LRIG1: variants seen among roughly 807,000 people sequenced by gnomAD.
LRIG1 encodes the protein leucine rich repeats and immunoglobulin like domains 1, also known as leucine-rich repeats and immunoglobulin-like domains protein 1.
LRIG1 carries 48 observed loss-of-function variants against 99.2 expected under a neutral mutation model. That is an observed-to-expected ratio of 0.48 (90% CI 0.38 to 0.62). LRIG1 has a LOEUF of 0.62. LRIG1 is among the 20% of genes least tolerant of loss of function. The pLI is 0.00. For missense variants in LRIG1, 1,646 were observed against 1,434.4 expected, an observed-to-expected ratio of 1.15 and a Z score of -2.38; for synonymous variants, 772 against 596.1, an observed-to-expected ratio of 1.29 and a Z score of -4.30.
At chr3:66,430,939 C>T (rs1703150550) in intron 3 of LRIG1, among the ~76,000 whole-genome samples, 1 of 152,016 alleles carries the variant, frequency 6.6e-6, no homozygotes, top group Non-Finnish European at 1.5e-5. Context: ...CCTTTGTTTT[C>T]CTTTCCCTGG....
At chr3:66,391,364 C>T (rs1701610747) in intron 12 of LRIG1, among the ~76,000 whole-genome samples, 2 of 152,154 alleles carry the variant, frequency 1.3e-5, no homozygotes, top group Admixed American at 6.5e-5. Context: ...TTCACAGCAG[C>T]ATTATTCATA....
intron 14 of LRIG1, 54 bp downstream of exon 14, chr3:66,383,933 GTCTC>G (rs561796324): frequency 4.9e-6 from 7 of 1,425,516 alleles, no homozygotes; most frequent in African/African-American, 1.8e-5. Context: ...GCATTTGAGA[GTCTC>G]TCTCTCTCGC....
At chr3:66,469,047 T>C (rs1700539640) in intron 1 of LRIG1, 2 of 152,188 alleles carry the variant, frequency 1.3e-5, no homozygotes, top group African/African-American at 4.8e-5. Context: ...AAGCGGATAA[T>C]GCACATTAAA....
intron 3 of LRIG1, among the ~76,000 whole-genome samples, chr3:66,426,104 G>C (rs1260268128): frequency 6.6e-6 from 1 of 152,138 alleles, no homozygotes; most frequent in African/African-American, 2.4e-5. Flanking sequence ...AAGGCAGTTG[G>C]GACAAGGTGG....
intron 13 of LRIG1, among the ~76,000 whole-genome samples, chr3:66,384,909 G>A (rs1294947388): frequency 6.6e-6 from 1 of 152,174 alleles, no homozygotes; most frequent in Non-Finnish European, 1.5e-5. Context: ...TTTGGGGAGA[G>A]TCTAACAAAC....
At position 66,451,556 on chromosome 3, in the gene LRIG1, T is replaced by C. The variant is rs761203198; in HGVS notation, c.365+3A>G. 4.3e-6 allele frequency: 7 copies of C among 1,613,648 alleles called. No homozygotes were observed. The highest frequency in any genetic ancestry group is 5.1e-6 in the Non-Finnish European group (6 of 1,179,882). On this transcript the variant is annotated splice_donor_region_variant and intron_variant, in intron 3 of 18. Transcript: ENST00000273261. ...CCAGAGTCCCCCAAACGGCACCACT[T>C]ACAGAAAGAGAGAGACGACATGTGA...
Position 66,380,809 on chromosome 3 carries a change from G to C in LRIG1, c.2823C>G (p.Tyr941Ter), listed in dbSNP as rs1165873118. 2 of 1,614,112 alleles carry C rather than the reference G, an allele frequency of 1.2e-6. No homozygotes were observed. The highest frequency in any genetic ancestry group is 1.7e-6 in the Non-Finnish European group (2 of 1,180,060). The change falls in exon 18 of 19, where the codon TAC (tyrosine) becomes TAG (stop). Residue 941 changes from tyrosine (Y) to a stop codon, truncating the protein, a stop_gained. Transcript: ENST00000273261. LOFTEE classifies it high-confidence loss of function. Reference sequence around the variant, plus strand: ...GGGGGTGGAAGGCTTGTCCCCTGGAGTAACAGTCCACTTCGGTGTTGCAGT... The same window carrying C: ...GGGGGTGGAAGGCTTGTCCCCTGGACTAACAGTCCACTTCGGTGTTGCAGT... ...CSDCNTEVDC[Y>*]SRGQAFHPQP... is the part of the protein sequence containing the mutation.
At chr3:66,412,793 G>A in intron 6 of LRIG1, 78 bp downstream of exon 6, 1 of 1,532,582 alleles carries the variant, frequency 6.5e-7, no homozygotes, top group South Asian at 1.2e-5. Context: ...GCACATGCAT[G>A]CGCACACACA....
intron 2 of LRIG1, among the ~76,000 whole-genome samples, chr3:66,457,056 CCATGATGT>C (rs1206424100): frequency 1.3e-5 from 2 of 152,114 alleles, no homozygotes; most frequent in Non-Finnish European, 2.9e-5. Context: ...TCCAGCCGGC[CCATGATGT>C]CATGTGGTTC....
At chr3:66,470,712 G>T (rs1700577201) in intron 1 of LRIG1, among the ~76,000 whole-genome samples, 1 of 152,054 alleles carries the variant, frequency 6.6e-6, no homozygotes, top group Non-Finnish European at 1.5e-5. Flanking sequence ...TTACTTAAAA[G>T]TTCTGAACTA....
chr3:66,437,238 G>A (rs909052106), intron 3 of LRIG1, among the ~76,000 whole-genome samples: 3 of 152,200 alleles, frequency 2.0e-5, no homozygotes, highest in Non-Finnish European at 4.4e-5. Flanking sequence ...TCAAACAAGC[G>A]AGCAGAGACT....
chr3:66,398,667 G>T (rs916725233), intron 10 of LRIG1, among the ~76,000 whole-genome samples: 2 of 152,232 alleles, frequency 1.3e-5, no homozygotes, highest in African/African-American at 4.8e-5. Context: ...AGGCAATGAG[G>T]CCAGGGGTCC....
chr3:66,472,316 A>AAAAAAC (rs1397379872), intron 1 of LRIG1, among the ~76,000 whole-genome samples: 1 of 148,494 alleles, frequency 6.7e-6, no homozygotes, highest in Non-Finnish European at 1.5e-5. Context: ...AAAAAAAAAA[A>AAAAAAC]AAAAAAAAAA....
chr3:66,467,900 C>A (rs774287061), intron 1 of LRIG1, among the ~76,000 whole-genome samples: 3 of 152,218 alleles, frequency 2.0e-5, no homozygotes, highest in Non-Finnish European at 2.9e-5. Flanking sequence ...TACCCAATAA[C>A]TCGAGAACTA....
intron 16 of LRIG1, among the ~76,000 whole-genome samples, 153 bp downstream of exon 16, chr3:66,382,120 C>T (rs1299642970): frequency 6.6e-6 from 1 of 152,174 alleles, no homozygotes; most frequent in African/African-American, 2.4e-5. Context: ...AGACTGGGTC[C>T]AAAATAGCAG....
At chr3:66,415,934 A>G (rs189913167) in intron 4 of LRIG1, among the ~76,000 whole-genome samples, 1 of 152,350 alleles carries the variant, frequency 6.6e-6, no homozygotes, top group East Asian at 1.9e-4. Context: ...ATTTTCTGCC[A>G]CAGAGGGTGG....
At chr3:66,383,849 C>T (rs537329991) in intron 14 of LRIG1, 142 bp downstream of exon 14, 1 of 1,218,260 alleles carries the variant, frequency 8.2e-7, no homozygotes, top group African/African-American at 1.5e-5. Context: ...AAAATTAACT[C>T]AACTCAAAAA....
intron 11 of LRIG1, among the ~76,000 whole-genome samples, chr3:66,394,626 C>T (rs1194450599): frequency 6.6e-6 from 1 of 152,090 alleles, no homozygotes; most frequent in Admixed American, 6.5e-5. Context: ...TGCCACCATC[C>T]CCCCTCTGGT....
chr3:66,498,428 C>T (rs1425513068), intron 1 of LRIG1, among the ~76,000 whole-genome samples: 2 of 152,140 alleles, frequency 1.3e-5, no homozygotes, highest in Non-Finnish European at 2.9e-5. Context: ...AGAGGACACC[C>T]TGCCCTCTCT....
Sources: allele counts gnomAD v4.1 joint callset (sites outside exome capture counted in the v4.1 genomes callset), GRCh38; gene constraint gnomAD v4.1.1; transcripts MANE v1.5; gene names NCBI Gene and HGNC (gene_info 2026-07-23, HGNC 2026-07-21).